EXOC6B: variants seen among roughly 807,000 people sequenced by gnomAD.
EXOC6B encodes SEC15 homolog B.
Under a neutral mutation model 113.5 loss-of-function variants are expected in EXOC6B, and 54 were observed. The ratio of observed to expected loss-of-function variants is 0.48; its 90% CI spans 0.38 to 0.60. EXOC6B has a LOEUF of 0.60. Ranked by LOEUF, EXOC6B falls within the 20% of genes least tolerant of loss-of-function variation. EXOC6B has a pLI of 0.00. For synonymous variants in EXOC6B, 357 were observed against 339.0 expected (o/e 1.05, Z -0.58); for missense variants, 797 against 977.5 (o/e 0.82, Z 2.46).
At chr2:72,721,755 C>T (rs1680023188) in intron 5 of EXOC6B, 3 of 151,804 alleles carry the variant, frequency 2.0e-5, no homozygotes, top group Non-Finnish European at 4.4e-5. Context: ...AATAAAATAG[C>T]AAAATGTTTA....
At chr2:72,377,989 C>G (rs1341691948) in intron 19 of EXOC6B, among the ~76,000 whole-genome samples, 2 of 151,810 alleles carry the variant, frequency 1.3e-5, no homozygotes, top group Non-Finnish European at 2.9e-5. Context: ...AGGAGCTCCT[C>G]CTCTAGAGCT....
chr2:72,178,996 C>A lies in EXOC6B; in HGVS notation c.*339G>T. The A allele has an allele frequency of 4.6e-6, 1 of 219,594 alleles. No homozygotes were observed. The highest frequency in any genetic ancestry group is 1.1e-4 in the East Asian group (1 of 9,242). 13.6% of individuals were successfully genotyped at this position (219,594 alleles called of 1,614,324 possible). A position where few individuals can be genotyped will look rare whatever the true frequency, so the allele number is the denominator to read the frequency against. ...ACTCTACCTCCCAGCGCCAGATACC[C>A]ACTTTTTATGGTTCCTAAGCCCCAG... On this transcript the variant is annotated 3_prime_UTR_variant, in exon 22 of 22. Coordinates refer to ENST00000272427, the MANE Select transcript of EXOC6B (RefSeq NM_015189.3).
chr2:72,224,940 G>A (rs543085021), intron 20 of EXOC6B, among the ~76,000 whole-genome samples: 113 of 147,208 alleles, frequency 7.7e-4, no homozygotes, highest in African/African-American at 2.7e-3. Flanking sequence ...ATATGTCTGT[G>A]TATACATATA....
rs529530343 is a variant in EXOC6B at position 72,485,284 on chromosome 2, G to A, written c.1666-4534C>T. Among the ~76,000 whole-genome samples, 14 of 152,312 alleles carry A rather than the reference G, an allele frequency of 9.2e-5. No individual in the cohort carries two copies. The South Asian group carries it at 2.9e-3, about 32-fold the overall frequency. On this transcript the variant is annotated intron_variant, in intron 16 of 21. Transcript: ENST00000272427. Reference sequence around the variant, plus strand: ...TTCCCAACTATAAATTAATTCTGGAGTATACACATCTGCATATATTAAAAC... The same window carrying A: ...TTCCCAACTATAAATTAATTCTGGAATATACACATCTGCATATATTAAAAC...
intron 19 of EXOC6B, among the ~76,000 whole-genome samples, chr2:72,356,834 C>T (rs1377170018): frequency 6.6e-6 from 1 of 152,106 alleles, no homozygotes; most frequent in Non-Finnish European, 1.5e-5. Flanking sequence ...TATTATATCG[C>T]TGCCCTTGCA....
At chr2:72,516,611 G>A (rs1179377046) in intron 8 of EXOC6B, among the ~76,000 whole-genome samples, 3 of 152,058 alleles carry the variant, frequency 2.0e-5, no homozygotes, top group African/African-American at 7.2e-5. Flanking sequence ...GAATACCAGT[G>A]GTAAAGAGAA....
At chr2:72,513,987 A>G (rs1701080278) in intron 10 of EXOC6B, among the ~76,000 whole-genome samples, 1 of 152,134 alleles carries the variant, frequency 6.6e-6, no homozygotes, top group Admixed American at 6.6e-5. Flanking sequence ...TTTTCTTTTA[A>G]CTGCAAAGTC....
chr2:72,541,457 A>G (rs1349664888), intron 8 of EXOC6B, among the ~76,000 whole-genome samples: 1 of 151,566 alleles, frequency 6.6e-6, no homozygotes, highest in African/African-American at 2.4e-5. Flanking sequence ...CCTAGACTAT[A>G]GTCTCTTGGT....
chr2:72,593,957 T>C lies in EXOC6B; in HGVS notation c.670-18289A>G, dbSNP rs942525507. Among the ~76,000 whole-genome samples, 8 of 152,106 alleles carry C rather than the reference T, an allele frequency of 5.3e-5. No individual in the cohort carries two copies. In the South Asian group the frequency reaches 1.7e-3, roughly 32 times the overall value. On this transcript the variant is annotated intron_variant, in intron 6 of 21. Transcript: ENST00000272427. ...ACTGTTCGTTCCCTAGTAAATTCTA[T>C]CAAACATTCTGGTTGTTGTTATTGT...
intron 8 of EXOC6B, among the ~76,000 whole-genome samples, chr2:72,540,015 T>C (rs1422971590): frequency 2.1e-5 from 3 of 145,766 alleles, no homozygotes; most frequent in African/African-American, 7.6e-5. Context: ...TTCTCATTGT[T>C]CAATTCCCAC....
At chr2:72,511,036 A>G (rs1227779339) in intron 11 of EXOC6B, among the ~76,000 whole-genome samples, 1 of 152,180 alleles carries the variant, frequency 6.6e-6, no homozygotes, top group Non-Finnish European at 1.5e-5. Context: ...AAATGATAAA[A>G]ATGTCAGATC....
intron 18 of EXOC6B, among the ~76,000 whole-genome samples, chr2:72,404,105 C>T (rs1252083715): frequency 3.3e-5 from 5 of 152,212 alleles, no homozygotes; most frequent in East Asian, 1.9e-4. Context: ...TGGAGCCTTG[C>T]TCATTGCTAG....
intron 18 of EXOC6B, chr2:72,464,707 A>T (rs1445763320): frequency 6.2e-6 from 1 of 160,084 alleles, no homozygotes; most frequent in East Asian, 1.8e-4. Context: ...AATGATTTTG[A>T]ATGTCTATAA....
intron 20 of EXOC6B, among the ~76,000 whole-genome samples, chr2:72,313,780 T>TA (rs1687346645): frequency 6.6e-6 from 1 of 152,184 alleles, no homozygotes; most frequent in African/African-American, 2.4e-5. Flanking sequence ...ATGAAATTTT[T>TA]AAAAAAATCA....
At chr2:72,517,546 T>G (rs1453218185) in intron 8 of EXOC6B, among the ~76,000 whole-genome samples, 4 of 152,142 alleles carry the variant, frequency 2.6e-5, no homozygotes. Flanking sequence ...ATTTAAGAAA[T>G]AAGAGGAAAC....
intron 6 of EXOC6B, among the ~76,000 whole-genome samples, chr2:72,675,769 G>C (rs2104520864): frequency 6.6e-6 from 1 of 152,110 alleles, no homozygotes; most frequent in South Asian, 2.1e-4. Context: ...ACTCTAGCCT[G>C]GGTGACAAAG....
In EXOC6B at chr2:72,575,614, T is replaced by C. The variant is rs1303283302; in HGVS notation, c.724A>G (p.Ser242Gly). The C allele has an allele frequency of 6.2e-7, 1 of 1,610,302 alleles. No individual in the cohort carries two copies. The highest frequency in any genetic ancestry group is 1.1e-5 in the South Asian group (1 of 90,250). Reference sequence around the variant, plus strand: ...GCATCTTTCTTAGATTTCCTCTTGCTACCTATTCTGGGTTGTTGCAAGACG... The same window carrying C: ...GCATCTTTCTTAGATTTCCTCTTGCCACCTATTCTGGGTTGTTGCAAGACG... ...NIVLQQPRIGSKRKSKKDAYI... is the reference protein window; with the variant it reads ...NIVLQQPRIGGKRKSKKDAYI... The change falls in exon 7 of 22, where the codon AGC (serine) becomes GGC (glycine). Residue 242 changes from serine to glycine, a missense_variant. Physicochemically the swap from Ser to Gly is moderately conservative, Grantham distance 56. Transcript: ENST00000272427.
At chr2:72,647,032 G>T (rs994103723) in intron 6 of EXOC6B, among the ~76,000 whole-genome samples, 1 of 152,180 alleles carries the variant, frequency 6.6e-6, no homozygotes, top group Non-Finnish European at 1.5e-5. Flanking sequence ...CAGATGACAT[G>T]ATTGTATATT....
At chr2:72,588,324 C>T (rs1705715607) in intron 6 of EXOC6B, among the ~76,000 whole-genome samples, 1 of 151,984 alleles carries the variant, frequency 6.6e-6, no homozygotes, top group Non-Finnish European at 1.5e-5. Context: ...GTGGCATATA[C>T]ATACAATGAA....
Sources: gnomAD v4.1 joint callset for allele counts (sites outside exome capture counted in the v4.1 genomes callset) on GRCh38, gnomAD v4.1.1 for gene constraint, MANE v1.5 for transcripts, NCBI Gene and HGNC (gene_info 2026-07-23, HGNC 2026-07-21) for gene names.